Variants in VWF observed in about 807,000 individuals in gnomAD.
The protein encoded by VWF is Factor VIII related antigen.
VWF carries 176 observed loss-of-function variants against 308.6 expected under a neutral mutation model. The observed-to-expected ratio is 0.57, with a 90% confidence interval of 0.50 to 0.65. VWF has a LOEUF of 0.65. Among genes scored for constraint, VWF ranks in the 30% least tolerant of loss-of-function variants. VWF has a pLI of 0.00. For synonymous variants in VWF, 1,385 were observed against 1,443.4 expected, an observed-to-expected ratio of 0.96 and a Z score of 0.92; for missense variants, 3,146 against 3,648.2, an observed-to-expected ratio of 0.86 and a Z score of 3.55.
At chr12:6,052,963 T>C (rs1015670975) in intron 15 of VWF, among the ~76,000 whole-genome samples, 180 bp from the exon 16 acceptor site, 5 of 152,232 alleles carry the variant, frequency 3.3e-5, no homozygotes, top group South Asian at 2.1e-4. Context: ...CATGTACCCT[T>C]TACCCAGTTT....
intron 38 of VWF, among the ~76,000 whole-genome samples, chr12:5,987,309 G>A (rs2136377924): frequency 6.6e-6 from 1 of 152,320 alleles, no homozygotes; most frequent in East Asian, 1.9e-4. Context: ...ATTTTTCTAA[G>A]AGTTTTACAT....
chr12:6,043,919 T>C (rs1001351792), intron 18 of VWF, among the ~76,000 whole-genome samples: 1 of 152,234 alleles, frequency 6.6e-6, no homozygotes, highest in African/African-American at 2.4e-5. Flanking sequence ...CAAATATATA[T>C]GTGTCCCTCC....
intron 49 of VWF, 28 bp downstream of exon 49, chr12:5,952,363 T>C: frequency 6.2e-7 from 1 of 1,613,158 alleles, no homozygotes. Flanking sequence ...ATTGAGACAG[T>C]AAAGAGGAAA....
intron 34 of VWF, among the ~76,000 whole-genome samples, chr12:5,998,918 A>ATC (rs752863123): frequency 5.3e-5 from 8 of 152,102 alleles, no homozygotes; most frequent in Non-Finnish European, 8.8e-5. Context: ...TAGTGGAGAC[A>ATC]GAGTTTCACC....
At chr12:6,021,571 A>G (rs1408306094) in intron 27 of VWF, 2 of 315,442 alleles carry the variant, frequency 6.3e-6, no homozygotes, top group Non-Finnish European at 1.2e-5. Flanking sequence ...GTCATGACCT[A>G]CAAGGACAAT....
intron 28 of VWF, among the ~76,000 whole-genome samples, chr12:6,017,922 T>G (rs1173327651): frequency 2.6e-5 from 4 of 152,148 alleles, no homozygotes; most frequent in Non-Finnish European, 5.9e-5. Context: ...CCCTGAAGAA[T>G]GTCAGCTACT....
chr12:5,957,612 A>G (rs1453584030), intron 47 of VWF, among the ~76,000 whole-genome samples: 1 of 152,092 alleles, frequency 6.6e-6, no homozygotes, highest in East Asian at 1.9e-4. Context: ...TAAGAAACAT[A>G]CTTAAAGTGA....
rs1486984569 is a variant in VWF, at chr12:6,052,678, A to C, written c.2051T>G (p.Leu684Arg). 6.2e-7 allele frequency: 1 copy of C among 1,614,266 alleles called. No individual in the cohort carries two copies. Among genetic ancestry groups the C allele is most frequent in the East Asian group, 2.2e-5 (1 of 44,888 alleles). Residue 684 changes from leucine to arginine, a missense_variant, in exon 16 of 52, where the codon CTG becomes CGG. Leu to Arg is a moderately radical substitution (Grantham distance 102). This residue lies in a region of VWF where 1,304 missense variants were observed against 1,353.0 expected (regional missense o/e 0.96). Transcript: ENST00000261405. ...CCCTGGGGGGCAGAAGCAGCCCTCC[A>C]GGCAGGCCTCATTGCATTCCTCATC... The part of the protein sequence containing the change: ...YPDEECNEAC[L>R]EGCFCPPGLY...
At chr12:5,966,206 C>T (rs1469722742) in intron 47 of VWF, among the ~76,000 whole-genome samples, 2 of 152,102 alleles carry the variant, frequency 1.3e-5, no homozygotes, top group East Asian at 3.9e-4. Flanking sequence ...AGGGATGCCA[C>T]ACGACTCCAG....
At chr12:6,013,715 T>C (rs1433199502) in intron 31 of VWF, 70 bp from the exon 32 acceptor site, 3 of 1,570,248 alleles carry the variant, frequency 1.9e-6, no homozygotes, top group Non-Finnish European at 2.6e-6. Flanking sequence ...CCTGACGTTA[T>C]ATCCAGCATC....
intron 5 of VWF, among the ~76,000 whole-genome samples, chr12:6,100,984 AT>A (rs773931274): frequency 1.4e-4 from 21 of 152,182 alleles, no homozygotes; most frequent in Non-Finnish European, 2.6e-4. Flanking sequence ...TAAAACAAAC[AT>A]ATTTAAAATT....
intron 5 of VWF, among the ~76,000 whole-genome samples, chr12:6,096,205 T>C (rs764619588): frequency 9.9e-5 from 15 of 152,030 alleles, no homozygotes; most frequent in Non-Finnish European, 1.9e-4. Context: ...GATGAGGAAA[T>C]GCCCTTTCCC....
rs528396613 is a variant in VWF, at chr12:6,037,860, C to T, written c.2443-1369G>A. Among the ~76,000 whole-genome samples, 13 of 152,172 alleles carry T rather than the reference C, an allele frequency of 8.5e-5. No homozygotes were observed. The East Asian group carries it at 2.5e-3, about 29-fold the overall frequency. On this transcript the variant is annotated intron_variant, in intron 18 of 51. Transcript: ENST00000261405. ...GGGCAATCTTGGGCTGAACAAAGGG[C>T]TTTCAAGGACCCAGGCTAGAATCGT...
At chr12:6,088,008 A>G (rs1944992023) in intron 6 of VWF, among the ~76,000 whole-genome samples, 1 of 152,208 alleles carries the variant, frequency 6.6e-6, no homozygotes, top group African/African-American at 2.4e-5. Context: ...TGAGGAAGCC[A>G]GGCCAACACC....
At position 6,013,605 on chromosome 12, in the gene VWF, A is replaced by G. The variant is rs1944022142; in HGVS notation, c.5496T>C (p.Asp1832=). The part of the protein sequence containing the change: ...VFPIGIGDRY[D]AAQLRILAGP... ...CTGCCAAGATCCGTAGCTGGGCTGC[A>G]TCGTAGCGATCTCCAATTCCAATAG... Residue 1832 remains aspartate, a synonymous_variant, in exon 32 of 52, where the codon GAT becomes GAC. Coordinates refer to ENST00000261405, the MANE Select transcript of VWF (RefSeq NM_000552.5). The G allele has an allele frequency of 6.2e-7, 1 of 1,613,726 alleles. No homozygotes were observed. The highest frequency in any genetic ancestry group is 8.5e-7 in the Non-Finnish European group (1 of 1,179,902).
At position 5,976,155 on chromosome 12, in the gene VWF, C is replaced by A; in HGVS notation, c.7393G>T (p.Val2465Leu). ...DMEDAVMGLR[V>L]AQCSQKPCED... ...CAGGGCTTCTGGGAGCACTGGGCCA[C>A]GCGGAGGCCCATCACGGCATCCTCC... is the stretch of plus-strand genomic sequence containing the variant. Residue 2465 changes from valine to leucine, a missense_variant, in exon 43 of 52, where the codon GTG (valine) becomes TTG (leucine). Coordinates refer to ENST00000261405, the MANE Select transcript of VWF (RefSeq NM_000552.5). 6.2e-7 allele frequency: 1 copy of A among 1,614,090 alleles called. No individual in the cohort carries two copies. The highest frequency in any genetic ancestry group is 8.5e-7 in the Non-Finnish European group (1 of 1,180,044).
intron 34 of VWF, among the ~76,000 whole-genome samples, chr12:6,000,811 CAAAAAAAA>C (rs71064181): frequency 1.6e-4 from 11 of 69,804 alleles, no homozygotes; most frequent in Admixed American, 9.5e-4. Flanking sequence ...GACTCTGTCT[CAAAAAAAA>C]AAAAAAAAAA....
At chr12:6,064,442 G>A in intron 11 of VWF, 58 bp from the exon 12 acceptor site, 1 of 1,606,720 alleles carries the variant, frequency 6.2e-7, no homozygotes, top group Non-Finnish European at 8.5e-7. Flanking sequence ...CAGCTCCCCA[G>A]CCCAGGACCC....
chr12:6,100,398 A>G (rs1945149204), intron 5 of VWF, among the ~76,000 whole-genome samples: 1 of 149,142 alleles, frequency 6.7e-6, no homozygotes, highest in African/African-American at 2.6e-5. Flanking sequence ...CTGGGTATAT[A>G]CCCAAAGTAC....
Sources: gnomAD v4.1 joint callset for allele counts (sites outside exome capture counted in the v4.1 genomes callset) on GRCh38, gnomAD v4.1.1 for gene constraint, gnomAD v4.1.1 regional missense constraint, MANE v1.5 for transcripts, NCBI Gene and HGNC (gene_info 2026-07-23, HGNC 2026-07-21) for gene names.